SCTR: variants seen among roughly 807,000 people sequenced by gnomAD.
SCTR encodes the protein pancreatic secretin receptor.
In SCTR, 56 loss-of-function variants were observed where a neutral mutation model predicts 60.8. The ratio of observed to expected loss-of-function variants is 0.92; its 90% CI spans 0.74 to 1.15. SCTR has a LOEUF of 1.15. SCTR is among the 50% of genes most tolerant of loss of function. The pLI is 0.00. For synonymous variants in SCTR, 202 were observed against 217.0 expected (o/e 0.93, Z 0.61); for missense variants, 562 against 550.4 (o/e 1.02, Z -0.21).
At position 119,458,597 on chromosome 2, in the gene SCTR, T is replaced by C. The variant is rs755905109; in HGVS notation, c.790+3250A>G. Reference sequence around the variant, plus strand: ...GCCTGGGCAACAGGGCAAGACTCTCTCTCAAAAAAAAAAAAAAAGTCTTGC... The same window carrying C: ...GCCTGGGCAACAGGGCAAGACTCTCCCTCAAAAAAAAAAAAAAAGTCTTGC... On this transcript the variant is annotated intron_variant, in intron 7 of 12. Coordinates refer to ENST00000019103, the MANE Select transcript of SCTR (RefSeq NM_002980.3). Among the ~76,000 whole-genome samples, 133 of 137,266 alleles carry C rather than the reference T, an allele frequency of 9.7e-4. 1 individual carries two copies. Among genetic ancestry groups the C allele is most frequent in the Non-Finnish European group, 1.6e-3 (108 of 65,654 alleles). 90.1% of individuals were successfully genotyped at this position (137,266 alleles called of 152,430 possible).
chr2:119,455,760 T>A (rs546541410), intron 7 of SCTR, among the ~76,000 whole-genome samples: 11 of 151,974 alleles, frequency 7.2e-5, no homozygotes, highest in Non-Finnish European at 1.2e-4. Context: ...CTAAAGGGAG[T>A]TTCAGAAAAC....
intron 1 of SCTR, among the ~76,000 whole-genome samples, chr2:119,508,662 T>C (rs1422808777): frequency 6.6e-6 from 1 of 152,200 alleles, no homozygotes; most frequent in Non-Finnish European, 1.5e-5. Flanking sequence ...GTGCTGGGAT[T>C]ACAGGTGTGA....
intron 5 of SCTR, 49 bp downstream of exon 5, chr2:119,465,740 C>G (rs375506306): frequency 7.0e-6 from 9 of 1,293,278 alleles, no homozygotes; most frequent in South Asian, 5.9e-5. Flanking sequence ...GACCCAAAGT[C>G]TGTACCTGAG....
chr2:119,440,250 A>C lies in SCTR; in HGVS notation c.1190T>G (p.Leu397Arg). 6.2e-7 allele frequency: 1 copy of C among 1,613,338 alleles called. No homozygotes were observed. Among genetic ancestry groups the C allele is most frequent in the Non-Finnish European group, 8.5e-7 (1 of 1,179,630 alleles). The change falls in exon 13 of 13, where the codon CTG becomes CGG. Residue 397 changes from leucine to arginine, a missense_variant. Coordinates refer to ENST00000019103, the MANE Select transcript of SCTR (RefSeq NM_002980.3). ...TTGCTGCCACTTCTTCTGAACCTCC[A>C]GCTGCACCTGCCCGGGAGACCAGCC... ...LYCFLNGEVQLEVQKKWQQWH... is the reference protein window; with the variant it reads ...LYCFLNGEVQREVQKKWQQWH...
intron 1 of SCTR, among the ~76,000 whole-genome samples, chr2:119,523,367 GAA>G (rs1679344773): frequency 6.7e-6 from 1 of 150,352 alleles, no homozygotes; most frequent in African/African-American, 2.4e-5. Flanking sequence ...CTGTTGGAAA[GAA>G]AAACAAACCA....
At chr2:119,476,534 G>A (rs190680568) in intron 3 of SCTR, 2 of 152,376 alleles carry the variant, frequency 1.3e-5, no homozygotes, top group Admixed American at 1.3e-4. Flanking sequence ...CAAGGGTAGG[G>A]GAGCCTCAAG....
Position 119,473,488 on chromosome 2 carries a change from C to T in SCTR, c.370G>A (p.Gly124Ser). ...ETFPRPNLACGVNVNDSSNEK... is the reference protein window; with the variant it reads ...ETFPRPNLACSVNVNDSSNEK... ...TTGGAAGAGTCGTTCACATTAACGCCACAGGCCAGATTAGGCCTGGGGAAG... is the reference window on the plus strand; with the variant it reads ...TTGGAAGAGTCGTTCACATTAACGCTACAGGCCAGATTAGGCCTGGGGAAG... The change falls in exon 4 of 13, where the codon GGC (glycine) becomes AGC (serine). Residue 124 changes from glycine (G) to serine (S), a missense_variant. Gly to Ser is a moderately conservative substitution (Grantham distance 56). Coordinates refer to ENST00000019103, the MANE Select transcript of SCTR (RefSeq NM_002980.3). 1.2e-6 allele frequency: 2 copies of T among 1,614,050 alleles called. No individual in the cohort carries two copies. The highest frequency in any genetic ancestry group is 2.7e-5 in the African/African-American group (2 of 75,036).
rs1558827944 is a variant in SCTR at position 119,440,260 on chromosome 2, GC to G, written c.1183-4del. 4.3e-6 allele frequency: 7 copies of G among 1,611,746 alleles called. No homozygotes were observed. The highest frequency in any genetic ancestry group is 5.9e-6 in the Non-Finnish European group (7 of 1,178,746). The stretch of plus-strand genomic sequence containing the variant: ...TTCTTCTGAACCTCCAGCTGCACCT[GC>G]CCGGGAGACCAGCCATCAGCCCAGG... On this transcript the variant is annotated splice_polypyrimidine_tract_variant and splice_region_variant and intron_variant, in intron 12 of 12. Coordinates refer to ENST00000019103, the MANE Select transcript of SCTR (RefSeq NM_002980.3).
At chr2:119,453,201 T>C in intron 8 of SCTR, 86 bp downstream of exon 8, 15 of 1,055,580 alleles carry the variant, frequency 1.4e-5, no homozygotes, top group Non-Finnish European at 2.2e-5. Flanking sequence ...AGGCCTTTCC[T>C]AGATAGCTCC....
intron 3 of SCTR, among the ~76,000 whole-genome samples, chr2:119,478,364 G>A (rs767165085): frequency 6.6e-6 from 1 of 152,124 alleles, no homozygotes; most frequent in Non-Finnish European, 1.5e-5. Flanking sequence ...AGGAGGCCAG[G>A]GGCTCCCAGG....
intron 1 of SCTR, among the ~76,000 whole-genome samples, chr2:119,512,334 C>CCTTCTCCTTCTCCTTCTCCTTCT (rs1678978478): frequency 1.2e-5 from 1 of 80,508 alleles, no homozygotes. Flanking sequence ...CTTCCCCTTC[C>CCTTCTCCTTCTCCTTCTCCTTCT]CCTTCCCCTT....
intron 1 of SCTR, among the ~76,000 whole-genome samples, chr2:119,504,779 A>C (rs1227705363): frequency 6.6e-6 from 1 of 152,162 alleles, no homozygotes; most frequent in Non-Finnish European, 1.5e-5. Flanking sequence ...GAAGATGAAG[A>C]GACAAGCTAT....
chr2:119,481,697 C>G (rs1677611716), intron 2 of SCTR, among the ~76,000 whole-genome samples: 1 of 152,222 alleles, frequency 6.6e-6, no homozygotes, highest in East Asian at 1.9e-4. Flanking sequence ...CCCCCACCAC[C>G]AGGCAGAGAG....
intron 1 of SCTR, among the ~76,000 whole-genome samples, chr2:119,501,639 A>G (rs1678555323): frequency 6.6e-6 from 1 of 152,224 alleles, no homozygotes; most frequent in South Asian, 2.1e-4. Flanking sequence ...GTTTCCAACA[A>G]AAAGAAAAGA....
At chr2:119,440,348 T>A in intron 12 of SCTR, 91 bp from the exon 13 acceptor site, 1 of 1,421,666 alleles carries the variant, frequency 7.0e-7, no homozygotes, top group Admixed American at 2.0e-5. Context: ...ACGCAGGCCC[T>A]GCCACTCCTG....
At chr2:119,488,991 C>A (rs1453518807) in intron 2 of SCTR, among the ~76,000 whole-genome samples, 3 of 152,170 alleles carry the variant, frequency 2.0e-5, no homozygotes, top group African/African-American at 7.2e-5. Flanking sequence ...TCACAGCAGA[C>A]CCTCTGCCGC....
intron 2 of SCTR, among the ~76,000 whole-genome samples, chr2:119,492,096 G>A (rs1678153793): frequency 6.6e-6 from 1 of 152,160 alleles, no homozygotes; most frequent in Non-Finnish European, 1.5e-5. Context: ...TCCTTCTAGT[G>A]AGTTTCTTCT....
chr2:119,514,842 C>A (rs930959047), intron 1 of SCTR, among the ~76,000 whole-genome samples: 1 of 152,100 alleles, frequency 6.6e-6, no homozygotes, highest in African/African-American at 2.4e-5. Flanking sequence ...CATGCCACTG[C>A]ACTCCAGCCT....
intron 3 of SCTR, among the ~76,000 whole-genome samples, chr2:119,474,072 C>T (rs1022376882): frequency 5.3e-5 from 8 of 152,206 alleles, no homozygotes; most frequent in East Asian, 1.9e-4. Context: ...CCTTCGGCCA[C>T]GACCTGTAGG....
Sources: allele counts gnomAD v4.1 joint callset (sites outside exome capture counted in the v4.1 genomes callset), GRCh38; gene constraint gnomAD v4.1.1; transcripts MANE v1.5; gene names NCBI Gene and HGNC (gene_info 2026-07-23, HGNC 2026-07-21).